Variants in SPATA7 observed in about 807,000 individuals in gnomAD.
SPATA7 encodes the protein spermatogenesis-associated protein 7.
A neutral mutation model predicts 51.8 loss-of-function variants in SPATA7; 43 were observed. The ratio of observed to expected loss-of-function variants is 0.83; its 90% confidence interval spans 0.65 to 1.07. The LOEUF is 1.07. Ranked by LOEUF, SPATA7 falls within the 50% of genes least tolerant of loss-of-function variation. The pLI is 0.00. For synonymous variants in SPATA7, 230 were observed against 252.8 expected (o/e 0.91, Z 0.86); for missense variants, 683 against 701.3 (o/e 0.97, Z 0.30).
At position 88,385,770 on chromosome 14, in the gene SPATA7, A is replaced by C; in HGVS notation, c.-49A>C. 1 of 1,571,202 alleles carries C rather than the reference A, an allele frequency of 6.4e-7. No individual in the cohort carries two copies. The highest frequency in any genetic ancestry group is 1.1e-5 in the South Asian group (1 of 87,384). ...GGGGCTGGGCCCGGCCGCGGGAAGG[A>C]CCGAAGGGGATACAGCGTGTCCCTG... On this transcript the variant is annotated 5_prime_UTR_variant, in exon 1 of 12. Coordinates refer to ENST00000393545, the MANE Select transcript of SPATA7 (RefSeq NM_018418.5).
At chr14:88,419,915 C>A (rs1566773595) in intron 5 of SPATA7, among the ~76,000 whole-genome samples, 1 of 151,992 alleles carries the variant, frequency 6.6e-6, no homozygotes, top group African/African-American at 2.4e-5. Context: ...CCACAGTGAC[C>A]CACACCCTTA....
chr14:88,391,804 G>T, intron 2 of SPATA7: 1 of 282,320 alleles, frequency 3.5e-6, no homozygotes, highest in South Asian at 3.8e-5. Context: ...AGGAAAAGCT[G>T]TGCAGAGAAA....
chr14:88,413,777 AT>A (rs1011177321), intron 4 of SPATA7, among the ~76,000 whole-genome samples: 3 of 150,982 alleles, frequency 2.0e-5, no homozygotes, highest in Non-Finnish European at 4.4e-5. Context: ...GCTAGATTTT[AT>A]TGAAGGTTTT....
Position 88,421,484 on chromosome 14 carries a change from A to G in SPATA7, c.372+4640A>G, listed in dbSNP as rs117952258. Among the ~76,000 whole-genome samples, 162 of 152,332 alleles carry G rather than the reference A, an allele frequency of 1.1e-3. 2 individuals carry two copies. In the East Asian group the frequency reaches 0.023, roughly 22 times the overall value. On this transcript the variant is annotated intron_variant, in intron 5 of 11. Coordinates refer to ENST00000393545, the MANE Select transcript of SPATA7 (RefSeq NM_018418.5). ...TTTTCCTTGAGAAATGCTGGGAGCC[A>G]TAGACCAGTTTTTAGTTGGGAAGTT...
Position 88,469,117 on chromosome 14 carries a change from A to C in SPATA7, c.255-730A>C. 1 of 1,574,454 alleles carries C rather than the reference A, an allele frequency of 6.4e-7. No homozygotes were observed. The highest frequency in any genetic ancestry group is 8.7e-7 in the Non-Finnish European group (1 of 1,152,836). On this transcript the variant is annotated intron_variant, in intron 4 of 4. Transcript: ENST00000556406. The surrounding 1 kb of genome is among the most constrained non-coding windows in gnomAD (Gnocchi z 4.3). ...GAAATAGAAAAGTACTCAAGGATCA[A>C]GGCGTATCACATTGTTGACTCAATC... is the stretch of plus-strand genomic sequence containing the variant.
chr14:88,396,875 C>CTTTTTTTTTTTTTTT lies in SPATA7; in HGVS notation c.238+685_238+686insTTTTTTTTTTTTTTT, dbSNP rs59603961. Among the ~76,000 whole-genome samples the CTTTTTTTTTTTTTTT allele has an allele frequency of 2.2e-5, 3 of 138,538 alleles. 1 individual carries two copies. Among genetic ancestry groups the CTTTTTTTTTTTTTTT allele is most frequent in the Non-Finnish European group, 3.1e-5 (2 of 65,386 alleles). 90.9% of individuals were successfully genotyped at this position (138,538 alleles called of 152,430 possible). Reference sequence around the variant, plus strand: ...ACTATTTTCTTTTCTTTTCTTTTTTCTTTTTTTTTTTTTGAGACAGGGTCT... The same window carrying CTTTTTTTTTTTTTTT: ...ACTATTTTCTTTTCTTTTCTTTTTTCTTTTTTTTTTTTTTTTTTTTTTTTTTTTGAGACAGGGTCT... On this transcript the variant is annotated intron_variant, in intron 4 of 11. Coordinates refer to ENST00000393545, the MANE Select transcript of SPATA7 (RefSeq NM_018418.5).
chr14:88,469,418 A>G lies in SPATA7; in HGVS notation c.255-429A>G. ...GCTTATATGAGATAACATAAAGGAA[A>G]TATTTCGGAAACATAAATGTTCCTC... On this transcript the variant is annotated intron_variant, in intron 4 of 4. Coordinates refer to the SPATA7 transcript ENST00000556406. The surrounding 1 kb of genome is among the most constrained non-coding windows in gnomAD (Gnocchi z 4.3). The G allele has an allele frequency of 2.4e-6, 3 of 1,231,518 alleles. No homozygotes were observed. The highest frequency in any genetic ancestry group is 3.5e-6 in the Non-Finnish European group (3 of 852,538). 76.3% of individuals were successfully genotyped at this position (1,231,518 alleles called of 1,614,324 possible). A position where few individuals can be genotyped will look rare whatever the true frequency, so the allele number is the denominator to read the frequency against.
At chr14:88,455,353 C>T (rs541343811), downstream of SPATA7, 5 of 198,976 alleles carry the variant, frequency 2.5e-5, no homozygotes, top group East Asian at 4.8e-4. Flanking sequence ...TTGCCTGGTA[C>T]ATTATTAAAA....
rs575222990 is a variant in SPATA7, at chr14:88,397,977, G to T, written c.238+1774G>T. Among the ~76,000 whole-genome samples, 7 of 152,090 alleles carry T rather than the reference G, an allele frequency of 4.6e-5. No homozygotes were observed. The South Asian group carries it at 1.5e-3, about 32-fold the overall frequency. ...GGCACCTGTAGTCCCAGCTACTCTG[G>T]AGGCTGAGGCAGGAGAATGGCGTGA... On this transcript the variant is annotated intron_variant, in intron 4 of 11. Transcript: ENST00000393545.
At chr14:88,398,650 TAAA>T (rs903578571) in intron 4 of SPATA7, among the ~76,000 whole-genome samples, 1 of 148,596 alleles carries the variant, frequency 6.7e-6, no homozygotes, top group Non-Finnish European at 1.5e-5. Flanking sequence ...TAAAAAAAGA[TAAA>T]AAAAAATCAG....
At chr14:88,468,920 T>C (rs199528763) in intron 4 of SPATA7, 159 of 1,613,980 alleles carry the variant, frequency 9.9e-5, no homozygotes, top group Middle Eastern at 4.9e-4. Flanking sequence ...CATCACCTCA[T>C]TGTGTTCCAG....
rs376911829 is a variant in SPATA7 at position 88,385,832 on chromosome 14, G to A, written c.14G>A (p.Arg5Gln). Residue 5 changes from arginine (R) to glutamine (Q), a missense_variant, in exon 1 of 12, where the codon CGG becomes CAG. Physicochemically the swap from Arg to Gln is conservative, Grantham distance 43 (BLOSUM62 1). Coordinates refer to ENST00000393545, the MANE Select transcript of SPATA7 (RefSeq NM_018418.5). ...AGAGGACTAAGCATGGATGGCAGCC[G>A]GAGAGGTAAAGGGCAGCTGTCAGGG... MDGS[R>Q]RVRATSVLPR... 5.0e-6 allele frequency: 8 copies of A among 1,604,224 alleles called. No homozygotes were observed. The South Asian group carries it at 9.0e-5, about 18-fold the overall frequency.
intron 4 of SPATA7, chr14:88,468,317 A>C: frequency 6.7e-7 from 1 of 1,501,178 alleles, no homozygotes; most frequent in Non-Finnish European, 9.0e-7. Flanking sequence ...GGGGAGACAG[A>C]AAGGATGGGA....
chr14:88,456,790 G>A (rs2140056035), downstream of SPATA7, among the ~76,000 whole-genome samples: 1 of 152,244 alleles, frequency 6.6e-6, no homozygotes. Context: ...TAGACATGAA[G>A]TCCTTGCCCA....
At chr14:88,460,677 G>T (rs946546849) in intron 4 of SPATA7, among the ~76,000 whole-genome samples, 4 of 152,152 alleles carry the variant, frequency 2.6e-5, no homozygotes, top group African/African-American at 9.7e-5. Context: ...GCTCAGAGAA[G>T]TTTGATCGTC....
intron 5 of SPATA7, among the ~76,000 whole-genome samples, chr14:88,419,269 C>A (rs1223871523): frequency 6.6e-6 from 1 of 151,942 alleles, no homozygotes; most frequent in East Asian, 1.9e-4. Flanking sequence ...TTTAGAAAAT[C>A]CTGAAGGAGG....
intron 5 of SPATA7, among the ~76,000 whole-genome samples, chr14:88,419,682 C>T (rs1216823576): frequency 2.6e-5 from 4 of 151,884 alleles, no homozygotes; most frequent in Non-Finnish European, 4.4e-5. Flanking sequence ...CCCGCCACCA[C>T]GCCTGGCTAA....
chr14:88,458,038 T>C (rs1192060237), downstream of SPATA7, among the ~76,000 whole-genome samples: 1 of 152,166 alleles, frequency 6.6e-6, no homozygotes, highest in East Asian at 1.9e-4. Context: ...TTTATTGATT[T>C]GCATATGTTG....
chr14:88,457,829 G>T (rs1219365262), downstream of SPATA7, among the ~76,000 whole-genome samples: 4 of 152,082 alleles, frequency 2.6e-5, no homozygotes, highest in Middle Eastern at 3.4e-3. Flanking sequence ...ATGCTTCCAG[G>T]TTTTGCCCAT....
Sources: allele counts gnomAD v4.1 joint callset (sites outside exome capture counted in the v4.1 genomes callset), GRCh38; gene constraint gnomAD v4.1.1; non-coding constraint Gnocchi (gnomAD v3.1); transcripts MANE v1.5; gene names NCBI Gene and HGNC (gene_info 2026-07-23, HGNC 2026-07-21).